The following USP4 variants were observed in gnomAD, a reference collection of about 807,000 sequenced individuals.
USP4 encodes the protein ubiquitin carboxyl-terminal hydrolase 4.
In USP4, 72 loss-of-function variants were observed where a neutral mutation model predicts 118.2. The ratio of observed to expected loss-of-function variants is 0.61; its 90% CI spans 0.50 to 0.74. The LOEUF (loss-of-function observed/expected upper bound fraction) is 0.74. Ranked by LOEUF, USP4 falls within the 30% of genes least tolerant of loss-of-function variation. The probability of loss-of-function intolerance (pLI) is 0.00; values close to 1 mark genes in which losing one functional copy is unlikely to be tolerated. For missense variants in USP4, 1,037 were observed against 1,185.7 expected (o/e 0.87, Z 1.84); for synonymous variants, 415 against 440.4 (o/e 0.94, Z 0.72).
intron 8 of USP4, among the ~76,000 whole-genome samples, chr3:49,308,412 C>A (rs1200961582): frequency 6.6e-6 from 1 of 152,052 alleles, no homozygotes; most frequent in Non-Finnish European, 1.5e-5. Context: ...CTCCGCCTCC[C>A]GGGATCAAGA....
At chr3:49,313,343 G>A (rs908597742) in intron 6 of USP4, among the ~76,000 whole-genome samples, 8 of 152,068 alleles carry the variant, frequency 5.3e-5, no homozygotes, top group Middle Eastern at 6.8e-3. Context: ...CCTTACCAAC[G>A]TGGTGGAACC....
In USP4 at chr3:49,299,549, T is replaced by C. The variant is rs544522696; in HGVS notation, c.1513-914A>G. Among the ~76,000 whole-genome samples the C allele has an allele frequency of 1.7e-4, 26 of 151,192 alleles. 1 individual carries two copies. In the South Asian group the frequency reaches 5.2e-3, roughly 31 times the overall value. On this transcript the variant is annotated intron_variant, in intron 11 of 21. Coordinates refer to ENST00000265560, the MANE Select transcript of USP4 (RefSeq NM_003363.4). ...CTGGGACTACAGGCGCCCGCCACCA[T>C]GCCTGGCTAATTTTTTGTATTTTTA...
At chr3:49,326,434 G>A (rs999053215) in intron 3 of USP4, among the ~76,000 whole-genome samples, 3 of 152,050 alleles carry the variant, frequency 2.0e-5, no homozygotes, top group Middle Eastern at 3.4e-3. Flanking sequence ...GTCTTCCTCC[G>A]TCAGCAGCCT....
At chr3:49,329,790 A>C (rs1416615297) in intron 2 of USP4, among the ~76,000 whole-genome samples, 1 of 152,178 alleles carries the variant, frequency 6.6e-6, no homozygotes, top group Admixed American at 6.6e-5. Context: ...CAGGAGAATC[A>C]CTATCTATGG....
At chr3:49,304,404 G>A (rs958964189) in intron 9 of USP4, among the ~76,000 whole-genome samples, 5 of 152,086 alleles carry the variant, frequency 3.3e-5, no homozygotes, top group East Asian at 3.9e-4. Flanking sequence ...AAGTTGCTCC[G>A]AGTGTATCCA....
intron 16 of USP4, among the ~76,000 whole-genome samples, chr3:49,285,885 T>C (rs2047086048): frequency 6.6e-6 from 1 of 152,134 alleles, no homozygotes; most frequent in Non-Finnish European, 1.5e-5. Context: ...CCTACTTTCC[T>C]CTGAGGTCAT....
intron 8 of USP4, among the ~76,000 whole-genome samples, chr3:49,308,740 T>C (rs905230296): frequency 6.6e-6 from 1 of 150,610 alleles, no homozygotes; most frequent in African/African-American, 2.4e-5. Flanking sequence ...GAAATCACCA[T>C]GTTCTGGCCA....
At chr3:49,310,398 T>C (rs943093998) in intron 8 of USP4, among the ~76,000 whole-genome samples, 3 of 152,110 alleles carry the variant, frequency 2.0e-5, no homozygotes, top group Non-Finnish European at 4.4e-5. Context: ...AATCTTACTA[T>C]AAAACCAAAC....
intron 15 of USP4, among the ~76,000 whole-genome samples, chr3:49,286,818 CTATCTATCTA>C (rs1365822418): frequency 2.1e-5 from 2 of 95,542 alleles, no homozygotes; most frequent in African/African-American, 7.9e-5. Flanking sequence ...TCTAGCCACT[CTATCTATCTA>C]TCTATCTATC....
intron 13 of USP4, among the ~76,000 whole-genome samples, chr3:49,297,278 G>GAC (rs1051120383): frequency 3.9e-5 from 6 of 152,152 alleles, no homozygotes; most frequent in East Asian, 1.9e-4. Flanking sequence ...CTGGAAGAGG[G>GAC]ACACACACAC....
chr3:49,330,938 A>C (rs1287315466), intron 2 of USP4, among the ~76,000 whole-genome samples: 1 of 151,222 alleles, frequency 6.6e-6, no homozygotes, highest in Non-Finnish European at 1.5e-5. Flanking sequence ...GAATCGTGTG[A>C]ACCCGGGAGG....
At chr3:49,296,568 G>A (rs534385254) in intron 13 of USP4, among the ~76,000 whole-genome samples, 21 of 152,266 alleles carry the variant, frequency 1.4e-4, no homozygotes, top group African/African-American at 5.1e-4. Flanking sequence ...AAAATGGCAT[G>A]AACCCGGGAG....
rs138821848 is a variant in USP4 at position 49,284,095 on chromosome 3, T to G, written c.2432A>C (p.Lys811Thr). 1 of 1,614,240 alleles carries G rather than the reference T, an allele frequency of 6.2e-7. No homozygotes were observed. Among genetic ancestry groups the G allele is most frequent in the Non-Finnish European group, 8.5e-7 (1 of 1,180,046 alleles). Residue 811 changes from lysine to threonine, a missense_variant, in exon 19 of 22, where the codon AAG becomes ACG. Coordinates refer to ENST00000265560, the MANE Select transcript of USP4 (RefSeq NM_003363.4). ...NCKKHQQATK[K>T]FDLWSLPKIL... ...CTTGGGCAAGGACCATAGGTCAAAC[T>G]TTTTTGTGGCCTGTTGATGCTTCTT...
chr3:49,312,011 G>C (rs11709788), intron 6 of USP4: 257,160 of 448,554 alleles, frequency 0.57, 76,653 homozygotes, highest in East Asian at 0.95. Context: ...GTGAAACCCT[G>C]TCTCTACTAA....
chr3:49,317,097 A>C (rs2047445679), intron 6 of USP4: 1 of 1,324,122 alleles, frequency 7.6e-7, no homozygotes, highest in African/African-American at 1.4e-5. Context: ...TGTCCCTGCC[A>C]CCACTACTTT....
At chr3:49,284,773 T>A (rs1048294225) in intron 17 of USP4, 76 bp downstream of exon 17, 2 of 1,418,798 alleles carry the variant, frequency 1.4e-6, no homozygotes, top group East Asian at 4.6e-5. Context: ...GCTGTCCAAC[T>A]GGTGAAAGTG....
At position 49,294,580 on chromosome 3, in the gene USP4, A is replaced by T. The variant is rs1237251478; in HGVS notation, c.1710T>A (p.Thr570=). 1 of 1,613,878 alleles carries T rather than the reference A, an allele frequency of 6.2e-7. No homozygotes were observed. The highest frequency in any genetic ancestry group is 8.5e-7 in the Non-Finnish European group (1 of 1,179,934). ...TGACACATTCCGAGCCATCCACGGA[A>T]GTGCTGCAGACCTCGTACCTGCGTC... is the stretch of plus-strand genomic sequence containing the variant. ...DDIFVYEVCS[T]SVDGSECVTL... is the part of the protein sequence containing the mutation. Residue 570 remains threonine, a synonymous_variant, in exon 14 of 22, where the codon ACT becomes ACA. Transcript: ENST00000265560.
intron 11 of USP4, among the ~76,000 whole-genome samples, chr3:49,299,264 A>G (rs567559289): frequency 1.4e-5 from 2 of 145,980 alleles, no homozygotes; most frequent in East Asian, 4.1e-4. Context: ...TAATTTTTGT[A>G]TTTTTAGTAC....
chr3:49,301,128 T>C (rs1186001549), intron 10 of USP4, among the ~76,000 whole-genome samples: 4 of 151,878 alleles, frequency 2.6e-5, no homozygotes, highest in African/African-American at 9.7e-5. Flanking sequence ...TTGGTAGGGA[T>C]GGGGGTCTTA....
Sources: gnomAD v4.1 joint callset for allele counts (sites outside exome capture counted in the v4.1 genomes callset) on GRCh38, gnomAD v4.1.1 for gene constraint, MANE v1.5 for transcripts, NCBI Gene and HGNC (gene_info 2026-07-23, HGNC 2026-07-21) for gene names.